KMT2C: variants seen among roughly 807,000 people sequenced by gnomAD.
KMT2C encodes the protein histone-lysine N-methyltransferase 2C.
Under a neutral mutation model 507.9 loss-of-function variants are expected in KMT2C, and 88 were observed. That is an observed-to-expected ratio of 0.17 (90% CI 0.15 to 0.21). The LOEUF (loss-of-function observed/expected upper bound fraction) is 0.21. Ranked by LOEUF, KMT2C falls within the 10% of genes least tolerant of loss-of-function variation. The pLI, the probability that KMT2C is intolerant of heterozygous loss-of-function variation, is 1.00. For missense variants in KMT2C, 4,954 were observed against 5,957.8 expected (o/e 0.83, Z 5.55); for synonymous variants, 2,049 against 2,080.8 (o/e 0.98, Z 0.42).
At chr7:152,214,684 T>C (rs987415545) in intron 23 of KMT2C, among the ~76,000 whole-genome samples, 2 of 152,000 alleles carry the variant, frequency 1.3e-5, no homozygotes, top group African/African-American at 4.8e-5. Context: ...GTATACTAAA[T>C]AAAGTAAGCC....
rs1292755756 is a variant in KMT2C, at chr7:152,278,659, C to G, written c.850-4792G>C. 3.9e-5 allele frequency among the ~76,000 whole-genome samples: 6 copies of G among 152,246 alleles called. No individual in the cohort carries two copies. In the East Asian group the frequency reaches 1.2e-3, roughly 29 times the overall value. On this transcript the variant is annotated intron_variant, in intron 6 of 58. Transcript: ENST00000262189. The stretch of plus-strand genomic sequence containing the variant: ...AAAACAGACTTGAGGGGAAAAAACA[C>G]AAACGCTAACCAAAAAATGCAGGTA...
chr7:152,207,522 G>A (rs2094341047), intron 23 of KMT2C, 94 bp from the exon 24 acceptor site: 1 of 1,147,202 alleles, frequency 8.7e-7, no homozygotes, highest in Non-Finnish European at 1.3e-6. Context: ...TTGTTGCTGA[G>A]CCATTTTAAT....
intron 2 of KMT2C, among the ~76,000 whole-genome samples, chr7:152,340,317 C>A (rs531385412): frequency 6.6e-6 from 1 of 152,086 alleles, no homozygotes; most frequent in Non-Finnish European, 1.5e-5. Flanking sequence ...AATAGAATAA[C>A]TGACTTCCCT....
intron 1 of KMT2C, among the ~76,000 whole-genome samples, chr7:152,435,391 G>A (rs1381725129): frequency 6.6e-6 from 1 of 150,742 alleles, no homozygotes; most frequent in East Asian, 2.0e-4. Context: ...AAAGTGTGCG[G>A]AGCCGGGCGC....
intron 16 of KMT2C, among the ~76,000 whole-genome samples, chr7:152,232,266 C>T (rs1258203438): frequency 6.6e-6 from 1 of 152,112 alleles, no homozygotes; most frequent in Non-Finnish European, 1.5e-5. Flanking sequence ...GTTAATAATG[C>T]CAATATTCAT....
chr7:152,180,951 T>C lies in KMT2C; in HGVS notation c.6909A>G (p.Pro2303=), dbSNP rs2129119407. The C allele has an allele frequency of 2.5e-6, 4 of 1,614,116 alleles. No individual in the cohort carries two copies. The highest frequency in any genetic ancestry group is 2.5e-6 in the Non-Finnish European group (3 of 1,180,008). The stretch of plus-strand genomic sequence containing the variant: ...AGTCAGACTGAGATCTTGGAGTCAT[T>C]GGAGACTGATCATAGGGATCACGGG... ...SAARDPYDQS[P]MTPRSQSDSF... Residue 2303 remains proline, a synonymous_variant, in exon 36 of 59, where the codon CCA becomes CCG. Coordinates refer to ENST00000262189, the MANE Select transcript of KMT2C (RefSeq NM_170606.3).
At chr7:152,394,354 C>T (rs1219691816) in intron 1 of KMT2C, among the ~76,000 whole-genome samples, 1 of 152,310 alleles carries the variant, frequency 6.6e-6, no homozygotes, top group Non-Finnish European at 1.5e-5. Flanking sequence ...CCCCACGCTA[C>T]TTCTCTTATG....
chr7:152,137,062 T>G, intron 58 of KMT2C, 138 bp from the exon 59 acceptor site: 1 of 663,818 alleles, frequency 1.5e-6, no homozygotes, highest in East Asian at 2.7e-5. Context: ...TGAGGTTCCA[T>G]GGGACCCTGG....
chr7:152,197,147 G>A (rs2093986506), intron 27 of KMT2C, among the ~76,000 whole-genome samples: 1 of 152,178 alleles, frequency 6.6e-6, no homozygotes, highest in African/African-American at 2.4e-5. Context: ...GAGAGGTGAG[G>A]TGATGACAGC....
intron 3 of KMT2C, among the ~76,000 whole-genome samples, chr7:152,328,350 G>A (rs909952397): frequency 1.3e-5 from 2 of 152,098 alleles, no homozygotes; most frequent in Non-Finnish European, 2.9e-5. Context: ...GCCCTTCAGA[G>A]GAGGCTAGTA....
chr7:152,175,476 A>C (rs868096543), intron 38 of KMT2C, among the ~76,000 whole-genome samples: 452 of 131,398 alleles, frequency 3.4e-3, no homozygotes, highest in African/African-American at 8.6e-3. Flanking sequence ...CTAGCCCCCC[A>C]CCCCCGACAG....
intron 6 of KMT2C, among the ~76,000 whole-genome samples, chr7:152,279,271 T>C (rs2096153255): frequency 6.6e-6 from 1 of 152,220 alleles, no homozygotes; most frequent in Non-Finnish European, 1.5e-5. Flanking sequence ...TTTTAAATGA[T>C]TAAGAAACAT....
chr7:152,384,550 ACC>A (rs2097403687), intron 1 of KMT2C, among the ~76,000 whole-genome samples: 2 of 36,636 alleles, frequency 5.5e-5, no homozygotes, highest in Non-Finnish European at 1.5e-4. Flanking sequence ...TGTGCATAAC[ACC>A]ACCACCACCA....
chr7:152,351,842 T>TGAG (rs1247840091), intron 2 of KMT2C, among the ~76,000 whole-genome samples: 1 of 152,200 alleles, frequency 6.6e-6, no homozygotes, highest in African/African-American at 2.4e-5. Flanking sequence ...TTTCATAAGC[T>TGAG]GAGGAGGATG....
At chr7:152,284,386 G>A (rs2096265277) in intron 6 of KMT2C, among the ~76,000 whole-genome samples, 1 of 152,082 alleles carries the variant, frequency 6.6e-6, no homozygotes, top group African/African-American at 2.4e-5. Flanking sequence ...TGCTGGAACT[G>A]CTAAATAATC....
chr7:152,360,060 A>T (rs1421729834), intron 1 of KMT2C, among the ~76,000 whole-genome samples: 7 of 72,780 alleles, frequency 9.6e-5, no homozygotes, highest in African/African-American at 4.5e-4. Context: ...CACACAAACA[A>T]AAAAAAGGGG....
intron 42 of KMT2C, among the ~76,000 whole-genome samples, chr7:152,164,609 G>T (rs1425476685): frequency 1.3e-5 from 2 of 152,090 alleles, no homozygotes; most frequent in Non-Finnish European, 2.9e-5. Flanking sequence ...TTTAAGACAA[G>T]ATGAATTACC....
At chr7:152,147,335 T>C (rs946655168) in intron 52 of KMT2C, among the ~76,000 whole-genome samples, 3 of 152,066 alleles carry the variant, frequency 2.0e-5, no homozygotes, top group Admixed American at 6.5e-5. Context: ...CTTATGACAA[T>C]GTATACAGTA....
In KMT2C at chr7:152,255,348, T is replaced by C. The variant is rs2095643208; in HGVS notation, c.1300-2633A>G. 2.0e-5 allele frequency among the ~76,000 whole-genome samples: 3 copies of C among 151,456 alleles called. No homozygotes were observed. The South Asian group carries it at 6.3e-4, about 32-fold the overall frequency. ...CACCTGGCTAATTTTTTTGTATTTG[T>C]AGAGAGGCAGTTTCACCATATTGCC... On this transcript the variant is annotated intron_variant, in intron 9 of 58. Transcript: ENST00000262189.
Sources: allele counts gnomAD v4.1 joint callset (sites outside exome capture counted in the v4.1 genomes callset), GRCh38; gene constraint gnomAD v4.1.1; transcripts MANE v1.5; gene names NCBI Gene and HGNC (gene_info 2026-07-23, HGNC 2026-07-21).